The following ERBB4 variants were observed in gnomAD, a reference collection of about 807,000 sequenced individuals.
The protein encoded by ERBB4 is receptor tyrosine-protein kinase erbB-4.
ERBB4 carries 42 observed loss-of-function variants against 158.0 expected under a neutral mutation model. The ratio of observed to expected loss-of-function variants is 0.27; its 90% CI spans 0.21 to 0.34. The LOEUF is 0.34. Among genes scored for constraint, ERBB4 ranks in the 10% least tolerant of loss-of-function variants. The probability of loss-of-function intolerance (pLI) is 1.00; values close to 1 mark genes in which losing one functional copy is unlikely to be tolerated. For missense variants in ERBB4, 1,333 were observed against 1,624.1 expected, an observed-to-expected ratio of 0.82 and a Z score of 3.08; for synonymous variants, 583 against 558.7, an observed-to-expected ratio of 1.04 and a Z score of -0.61.
chr2:211,875,010 C>A (rs2106126800), intron 3 of ERBB4, among the ~76,000 whole-genome samples: 2 of 85,632 alleles, frequency 2.3e-5, no homozygotes, highest in Middle Eastern at 0.021. Flanking sequence ...TATTGTCATG[C>A]TTCAAATAGA....
intron 1 of ERBB4, among the ~76,000 whole-genome samples, chr2:212,186,359 T>C (rs1043317032): frequency 1.3e-5 from 2 of 152,190 alleles, no homozygotes; most frequent in Non-Finnish European, 2.9e-5. Context: ...CAAGAGTGTC[T>C]GATAATCTGT....
At chr2:211,875,945 A>G (rs761672767) in intron 3 of ERBB4, among the ~76,000 whole-genome samples, 2 of 152,142 alleles carry the variant, frequency 1.3e-5, no homozygotes, top group Non-Finnish European at 2.9e-5. Flanking sequence ...AGGAGGCTAT[A>G]CCATTTAGAT....
chr2:211,723,298 T>A (rs1351263162), intron 6 of ERBB4, among the ~76,000 whole-genome samples: 2 of 152,152 alleles, frequency 1.3e-5, no homozygotes, highest in Non-Finnish European at 2.9e-5. Context: ...AGGTACTTGA[T>A]ATAAAAACAG....
chr2:212,451,503 A>C (rs1366008821), intron 1 of ERBB4, among the ~76,000 whole-genome samples: 2 of 152,210 alleles, frequency 1.3e-5, no homozygotes, highest in African/African-American at 4.8e-5. Flanking sequence ...TGATGCAATA[A>C]AAATCAAATT....
At chr2:211,497,917 A>C (rs1355976950) in intron 20 of ERBB4, among the ~76,000 whole-genome samples, 2 of 152,168 alleles carry the variant, frequency 1.3e-5, no homozygotes, top group East Asian at 3.8e-4. Flanking sequence ...GAAACTTCAA[A>C]AGCCTCTACG....
chr2:211,790,105 A>C (rs943543013), intron 3 of ERBB4, among the ~76,000 whole-genome samples: 1 of 152,210 alleles, frequency 6.6e-6, no homozygotes, highest in East Asian at 1.9e-4. Flanking sequence ...AAGACGTAAG[A>C]AAGATTGTGA....
chr2:211,523,344 G>A (rs1431544206), intron 20 of ERBB4, among the ~76,000 whole-genome samples: 1 of 150,400 alleles, frequency 6.6e-6, no homozygotes, highest in African/African-American at 2.4e-5. Context: ...GAAAGGGAGA[G>A]TGCAGTGCTT....
chr2:212,324,120 A>G (rs2106273528), intron 1 of ERBB4, among the ~76,000 whole-genome samples: 1 of 150,878 alleles, frequency 6.6e-6, no homozygotes, highest in Admixed American at 6.6e-5. Flanking sequence ...AAAAGGCAGC[A>G]TGCTATCACA....
At chr2:211,924,396 C>T (rs1238728265) in intron 3 of ERBB4, among the ~76,000 whole-genome samples, 1 of 151,826 alleles carries the variant, frequency 6.6e-6, no homozygotes, top group Non-Finnish European at 1.5e-5. Context: ...GATGGGTGCC[C>T]TAAAAGCCCA....
At chr2:212,241,636 T>C (rs1271533751) in intron 1 of ERBB4, among the ~76,000 whole-genome samples, 3 of 152,152 alleles carry the variant, frequency 2.0e-5, no homozygotes, top group African/African-American at 7.2e-5. Context: ...TATTTTTCCT[T>C]GGTAATTATT....
chr2:212,315,922 TCA>T (rs1448493097), intron 1 of ERBB4, among the ~76,000 whole-genome samples: 8 of 151,474 alleles, frequency 5.3e-5, no homozygotes, highest in Admixed American at 2.6e-4. Context: ...AAATATAAAT[TCA>T]CAGTCAGCTG....
At position 212,320,276 on chromosome 2, in the gene ERBB4, A is replaced by T. The variant is rs1435270168; in HGVS notation, c.83-195373T>A. ...CAGCATATAGCCTACCAAATCCCTT[A>T]CCTACTTTCTTAGGGGAATGAAATG... is the stretch of plus-strand genomic sequence containing the variant. On this transcript the variant is annotated intron_variant, in intron 1 of 27. Transcript: ENST00000342788. Among the ~76,000 whole-genome samples, 17 of 147,216 alleles carry T rather than the reference A, an allele frequency of 1.2e-4. 1 individual carries two copies. The highest frequency in any genetic ancestry group is 2.1e-4 in the Non-Finnish European group (14 of 65,934).
rs549958138 is a variant in ERBB4 at position 212,141,634 on chromosome 2, G to A, written c.83-16731C>T. ...AAATGGCACCCCTTTCACTAACTCA[G>A]GCAAAAATCTAGTCAGTCAACTATT... On this transcript the variant is annotated intron_variant, in intron 1 of 27. Coordinates refer to ENST00000342788, the MANE Select transcript of ERBB4 (RefSeq NM_005235.3). 2.6e-5 allele frequency among the ~76,000 whole-genome samples: 4 copies of A among 151,868 alleles called. No homozygotes were observed. In the East Asian group the frequency reaches 7.7e-4, roughly 29 times the overall value.
intron 19 of ERBB4, among the ~76,000 whole-genome samples, chr2:211,617,467 C>A (rs2069433617): frequency 6.6e-6 from 1 of 151,980 alleles, no homozygotes; most frequent in Admixed American, 6.6e-5. Context: ...GTGTCAGAAA[C>A]TTTAGAGAAC....
At chr2:212,403,571 T>C (rs368128081) in intron 1 of ERBB4, among the ~76,000 whole-genome samples, 8 of 152,008 alleles carry the variant, frequency 5.3e-5, no homozygotes, top group African/African-American at 1.9e-4. Flanking sequence ...AAGTAAATCC[T>C]GCAATATGTG....
intron 2 of ERBB4, among the ~76,000 whole-genome samples, chr2:212,081,622 T>A (rs1364553555): frequency 6.6e-6 from 1 of 152,142 alleles, no homozygotes; most frequent in Admixed American, 6.6e-5. Flanking sequence ...TGCTTATGAA[T>A]AGGTTCTTCC....
chr2:211,649,614 AT>A (rs923469017), intron 16 of ERBB4, among the ~76,000 whole-genome samples: 13 of 151,936 alleles, frequency 8.6e-5, no homozygotes, highest in African/African-American at 3.1e-4. Flanking sequence ...CAACAAGTAA[AT>A]TTTTTATGGT....
intron 25 of ERBB4, among the ~76,000 whole-genome samples, chr2:211,408,461 C>T (rs540890430): frequency 6.6e-6 from 1 of 152,126 alleles, no homozygotes; most frequent in African/African-American, 2.4e-5. Context: ...TTCAACTGTT[C>T]AGAAAGGCTT....
chr2:212,099,164 TA>T (rs1398034432), intron 2 of ERBB4, among the ~76,000 whole-genome samples: 41 of 148,294 alleles, frequency 2.8e-4, no homozygotes, highest in Middle Eastern at 7.0e-3. Flanking sequence ...AATAAATAAA[TA>T]AATAAATAAA....
Sources: gnomAD v4.1 joint callset for allele counts (sites outside exome capture counted in the v4.1 genomes callset) on GRCh38, gnomAD v4.1.1 for gene constraint, MANE v1.5 for transcripts, NCBI Gene and HGNC (gene_info 2026-07-23, HGNC 2026-07-21) for gene names.